TENM2: variants seen among roughly 807,000 people sequenced by gnomAD.
TENM2 encodes teneurin-2.
TENM2 carries 52 observed loss-of-function variants against 245.2 expected under a neutral mutation model. The ratio of observed to expected loss-of-function variants is 0.21; its 90% CI spans 0.17 to 0.27. The LOEUF is 0.27. TENM2 is among the 10% of genes least tolerant of loss of function. The pLI, the probability that TENM2 is intolerant of heterozygous loss-of-function variation, is 1.00. For synonymous variants in TENM2, 1,363 were observed against 1,438.9 expected (o/e 0.95, Z 1.19); for missense variants, 3,046 against 3,666.8 (o/e 0.83, Z 4.37).
intron 3 of TENM2, among the ~76,000 whole-genome samples, chr5:167,946,327 C>T (rs1344146941): frequency 6.6e-6 from 1 of 150,650 alleles, no homozygotes; most frequent in Non-Finnish European, 1.5e-5. Flanking sequence ...CTAATTGCTG[C>T]TCATTCCTCA....
At chr5:167,536,925 G>C (rs955975014) in intron 2 of TENM2, among the ~76,000 whole-genome samples, 2 of 152,092 alleles carry the variant, frequency 1.3e-5, no homozygotes, top group Non-Finnish European at 2.9e-5. Context: ...TTGGGAGGCT[G>C]AGGCAGGAGA....
At chr5:167,799,889 T>C (rs1765582684) in intron 2 of TENM2, among the ~76,000 whole-genome samples, 1 of 152,230 alleles carries the variant, frequency 6.6e-6, no homozygotes, top group Non-Finnish European at 1.5e-5. Context: ...GTACCAAAAT[T>C]CAGATACCTG....
At chr5:167,922,527 C>T (rs1303214501) in intron 3 of TENM2, among the ~76,000 whole-genome samples, 2 of 152,328 alleles carry the variant, frequency 1.3e-5, no homozygotes, top group South Asian at 2.1e-4. Context: ...TCACACTCTG[C>T]CTTGTCTACC....
intron 2 of TENM2, among the ~76,000 whole-genome samples, chr5:167,681,526 G>T (rs965785269): frequency 2.6e-5 from 4 of 152,062 alleles, no homozygotes; most frequent in African/African-American, 9.7e-5. Context: ...CTAAAATTAG[G>T]CTTGCTGAAT....
intron 10 of TENM2, among the ~76,000 whole-genome samples, chr5:168,123,756 A>G (rs1795649821): frequency 6.6e-6 from 1 of 152,244 alleles, no homozygotes; most frequent in South Asian, 2.1e-4. Flanking sequence ...CCACAAAGCC[A>G]TATCTGAGCC....
chr5:167,931,005 CAGA>C (rs1778240124), intron 3 of TENM2, among the ~76,000 whole-genome samples: 1 of 152,080 alleles, frequency 6.6e-6, no homozygotes, highest in Non-Finnish European at 1.5e-5. Context: ...TACAAAAAAG[CAGA>C]AGATCGCAAA....
chr5:168,062,025 C>G, intron 6 of TENM2, 35 bp from the exon 9 acceptor site: 1 of 1,561,206 alleles, frequency 6.4e-7, no homozygotes, highest in Non-Finnish European at 8.7e-7. Flanking sequence ...CTATACACGT[C>G]ATTGACTGCT....
intron 5 of TENM2, among the ~76,000 whole-genome samples, chr5:168,001,205 C>T (rs1205634525): frequency 6.6e-6 from 1 of 152,128 alleles, no homozygotes; most frequent in African/African-American, 2.4e-5. Context: ...CCTCCGTTCC[C>T]AAATTGCACT....
the TENM2 span, among the ~76,000 whole-genome samples, chr5:167,136,391 T>C: frequency 1.3e-5 from 2 of 152,170 alleles, no homozygotes. Flanking sequence ...TAAGAAGTAA[T>C]GGCAATGCCA....
chr5:167,698,521 C>T (rs1485053738), intron 2 of TENM2, among the ~76,000 whole-genome samples: 1 of 152,144 alleles, frequency 6.6e-6, no homozygotes, highest in Non-Finnish European at 1.5e-5. Flanking sequence ...CTACCCAGGT[C>T]CTGGTCTCCT....
intron 2 of TENM2, among the ~76,000 whole-genome samples, chr5:167,848,477 A>G (rs962412519): frequency 2.0e-5 from 3 of 152,186 alleles, no homozygotes; most frequent in African/African-American, 4.8e-5. Flanking sequence ...TTGTATGTAT[A>G]TATCTTCATA....
chr5:167,604,051 TAAAAC>T (rs768014119), intron 2 of TENM2, among the ~76,000 whole-genome samples: 4 of 152,064 alleles, frequency 2.6e-5, no homozygotes, highest in African/African-American at 4.8e-5. Flanking sequence ...TGGAGTGAAA[TAAAAC>T]AATATACTAG....
intron 2 of TENM2, among the ~76,000 whole-genome samples, chr5:167,631,312 C>T (rs974691748): frequency 1.6e-4 from 24 of 152,130 alleles, no homozygotes; most frequent in Admixed American, 1.3e-3. Context: ...GGTCTGGGTA[C>T]AGCACACTCA....
chr5:168,249,404 C>G (rs899834758), intron 27 of TENM2, among the ~76,000 whole-genome samples: 3 of 151,634 alleles, frequency 2.0e-5, no homozygotes, highest in African/African-American at 7.3e-5. Context: ...TGGCACTGTG[C>G]TAAGTTCTGG....
At chr5:167,440,027 C>T (rs1582052111) in intron 2 of TENM2, among the ~76,000 whole-genome samples, 3 of 152,226 alleles carry the variant, frequency 2.0e-5, no homozygotes, top group Admixed American at 2.0e-4. Context: ...GTAGCCCTAA[C>T]CTTTCCCAGA....
intron 3 of TENM2, among the ~76,000 whole-genome samples, chr5:167,950,069 C>T (rs149735418): frequency 2.6e-3 from 400 of 152,288 alleles, no homozygotes; most frequent in African/African-American, 9.0e-3. Context: ...AGTATTCTTC[C>T]ATCTTCCCTT....
chr5:168,026,267 C>T (rs1479470711), intron 5 of TENM2, among the ~76,000 whole-genome samples: 1 of 152,030 alleles, frequency 6.6e-6, no homozygotes, highest in Non-Finnish European at 1.5e-5. Flanking sequence ...GCAGTGTCCA[C>T]CTAAACATTT....
the TENM2 span, among the ~76,000 whole-genome samples, chr5:167,187,721 T>C: frequency 6.6e-6 from 1 of 152,114 alleles, no homozygotes; most frequent in Non-Finnish European, 1.5e-5. Context: ...GTAAGTTGAA[T>C]TGAAAAGTTA....
the TENM2 span, among the ~76,000 whole-genome samples, chr5:167,011,182 C>G: frequency 6.6e-6 from 1 of 152,176 alleles, no homozygotes; most frequent in African/African-American, 2.4e-5. Context: ...ACTACTTCCT[C>G]TGGTTTTCTT....
Sources: allele counts gnomAD v4.1 joint callset (sites outside exome capture counted in the v4.1 genomes callset), GRCh38; gene constraint gnomAD v4.1.1; transcripts MANE v1.5; gene names NCBI Gene and HGNC (gene_info 2026-07-23, HGNC 2026-07-21).